Variants in SCN8A observed in about 807,000 individuals in gnomAD.
SCN8A encodes the protein sodium channel protein type 8 subunit alpha.
Under a neutral mutation model 184.1 loss-of-function variants are expected in SCN8A, and 30 were observed. That is an observed-to-expected ratio of 0.16 (90% CI 0.12 to 0.22). SCN8A has a LOEUF of 0.22. Among genes scored for constraint, SCN8A ranks in the 10% least tolerant of loss-of-function variants. The pLI is 1.00. For synonymous variants in SCN8A, 852 were observed against 907.0 expected (o/e 0.94, Z 1.09); for missense variants, 1,057 against 2,498.9 (o/e 0.42, Z 12.30).
intron 1 of SCN8A, among the ~76,000 whole-genome samples, chr12:51,610,145 G>T (rs1939688980): frequency 6.8e-6 from 1 of 146,916 alleles, no homozygotes; most frequent in Admixed American, 6.8e-5. Context: ...ACTCCAGCCT[G>T]GGTGACAGAG....
rs57362371 is a variant in SCN8A, at chr12:51,640,212, GTTTTTTTTTTTTTT to G, written c.-54-22524_-54-22511del. On this transcript the variant is annotated intron_variant, in intron 1 of 26. Transcript: ENST00000627620. ...GGATATGAGCACATGTGCCTGGCCT[GTTTTTTTTTTTTTT>G]TTTTTTTTTTTTTTTTTTTTTTTTT... 4.5e-3 allele frequency among the ~76,000 whole-genome samples: 158 copies of G among 34,760 alleles called. 2 individuals carry two copies. Among genetic ancestry groups the G allele is most frequent in the African/African-American group, 0.015 (128 of 8,314 alleles). 22.8% of individuals were successfully genotyped at this position (34,760 alleles called of 152,430 possible).
chr12:51,626,205 G>A (rs1940074739), intron 1 of SCN8A, among the ~76,000 whole-genome samples: 1 of 152,116 alleles, frequency 6.6e-6, no homozygotes, highest in Admixed American at 6.5e-5. Flanking sequence ...TTAGTTGTCT[G>A]GTACCTGGTC....
chr12:51,764,170 ACT>A (rs1942803045), intron 15 of SCN8A, among the ~76,000 whole-genome samples: 1 of 152,006 alleles, frequency 6.6e-6, no homozygotes, highest in Non-Finnish European at 1.5e-5. Context: ...TAAATATTGA[ACT>A]CTCTGATAAG....
intron 3 of SCN8A, among the ~76,000 whole-genome samples, chr12:51,686,064 T>G (rs900486488): frequency 6.6e-6 from 1 of 152,208 alleles, no homozygotes; most frequent in Non-Finnish European, 1.5e-5. Context: ...ATTTAGAGGC[T>G]TAGTCTGTAG....
In SCN8A at chr12:51,645,523, G is replaced by A. The variant is rs934273411; in HGVS notation, c.-54-17241G>A. On this transcript the variant is annotated intron_variant, in intron 1 of 26. Transcript: ENST00000627620. ...TTTTGTAGAATAGAAAGGGGGGAAA[G>A]GTGGGGAAAAGATTGAGAAATCGGA... 6.6e-4 allele frequency among the ~76,000 whole-genome samples: 101 copies of A among 152,114 alleles called. 1 individual carries two copies. Among genetic ancestry groups the A allele is most frequent in the Non-Finnish European group, 1.6e-4 (11 of 68,004 alleles).
intron 2 of SCN8A, among the ~76,000 whole-genome samples, chr12:51,681,283 C>G (rs562179521): frequency 3.3e-5 from 5 of 152,252 alleles, no homozygotes; most frequent in Middle Eastern, 3.4e-3. Context: ...TTGAGAGGCT[C>G]GAAGCTCGGC....
At chr12:51,669,868 G>C (rs1364115524) in intron 2 of SCN8A, among the ~76,000 whole-genome samples, 1 of 152,194 alleles carries the variant, frequency 6.6e-6, no homozygotes, top group Non-Finnish European at 1.5e-5. Flanking sequence ...CTTTCAACAG[G>C]TGTGCAGCAC....
chr12:51,672,974 T>C (rs1215412814), intron 2 of SCN8A, among the ~76,000 whole-genome samples: 4 of 152,184 alleles, frequency 2.6e-5, no homozygotes, highest in African/African-American at 9.6e-5. Context: ...ATGGTCTTTC[T>C]TCCATGCCCT....
At position 51,632,015 on chromosome 12, in the gene SCN8A, A is replaced by G. The variant is rs1940206355; in HGVS notation, c.-54-30749A>G. Among the ~76,000 whole-genome samples the G allele has an allele frequency of 3.3e-5, 5 of 152,276 alleles. No homozygotes were observed. The South Asian group carries it at 1.0e-3, about 32-fold the overall frequency. ...AGGATCCAGGGAAATAAGTAAAACAAGTAAAACAGATAAGAACAGAAGAGT... is the reference window on the plus strand; with the variant it reads ...AGGATCCAGGGAAATAAGTAAAACAGGTAAAACAGATAAGAACAGAAGAGT... On this transcript the variant is annotated intron_variant, in intron 1 of 26. Coordinates refer to ENST00000627620, the MANE Select transcript of SCN8A (RefSeq NM_001330260.2).
At chr12:51,770,061 T>C (rs1942901429) in intron 18 of SCN8A, 76 bp downstream of exon 18, 2 of 1,013,530 alleles carry the variant, frequency 2.0e-6, no homozygotes, top group African/African-American at 1.6e-5. Context: ...GGGCTAGTGG[T>C]GGGTGAGGGG....
chr12:51,749,032 C>G (rs986290645), intron 13 of SCN8A, among the ~76,000 whole-genome samples: 10 of 152,186 alleles, frequency 6.6e-5, no homozygotes, highest in African/African-American at 2.4e-4. Context: ...CCCCACAAAC[C>G]TTTGGACATC....
chr12:51,764,776 CTTTTTTT>C (rs1197098413), intron 15 of SCN8A, among the ~76,000 whole-genome samples: 2 of 143,102 alleles, frequency 1.4e-5, no homozygotes, highest in Non-Finnish European at 3.1e-5. Flanking sequence ...AGGCTCTTTT[CTTTTTTT>C]TTTTTTTCTT....
At position 51,745,902 on chromosome 12, in the gene SCN8A, G is replaced by A; in HGVS notation, c.1999-1G>A. ...TTGCTTTTCTTTTTTTTTTTTTAAA[G>A]GCTACAACTGAGGTGGAAATTAAGA... On this transcript the variant is annotated splice_acceptor_variant, in intron 12 of 26. Transcript: ENST00000627620. LOFTEE classifies it high-confidence loss of function. 6.4e-7 allele frequency: 1 copy of A among 1,564,330 alleles called. No homozygotes were observed. The highest frequency in any genetic ancestry group is 8.6e-7 in the Non-Finnish European group (1 of 1,161,794).
chr12:51,695,216 T>G (rs188324488), intron 6 of SCN8A, among the ~76,000 whole-genome samples: 12 of 152,356 alleles, frequency 7.9e-5, no homozygotes, highest in Admixed American at 5.2e-4. Flanking sequence ...TATCTGACCC[T>G]CTGTGAAGTA....
chr12:51,696,424 T>G (rs148104662), intron 6 of SCN8A, among the ~76,000 whole-genome samples: 1 of 152,332 alleles, frequency 6.6e-6, no homozygotes, highest in East Asian at 1.9e-4. Flanking sequence ...AGCAACTAAA[T>G]GAAAATAAAT....
At chr12:51,670,168 T>C (rs1271441719) in intron 2 of SCN8A, among the ~76,000 whole-genome samples, 18 of 152,198 alleles carry the variant, frequency 1.2e-4, no homozygotes, top group Admixed American at 1.2e-3. Flanking sequence ...TGGGCACGTA[T>C]GGTCTTGTCC....
At chr12:51,647,632 A>G (rs1229637428) in intron 1 of SCN8A, among the ~76,000 whole-genome samples, 1 of 152,236 alleles carries the variant, frequency 6.6e-6, no homozygotes, top group Non-Finnish European at 1.5e-5. Context: ...GCAGTTTTTA[A>G]TGTTTAAAAT....
chr12:51,637,471 T>C (rs556877123), intron 1 of SCN8A, among the ~76,000 whole-genome samples: 29 of 152,240 alleles, frequency 1.9e-4, no homozygotes, highest in Non-Finnish European at 3.5e-4. Flanking sequence ...AGTGCTACTC[T>C]AGTGAACACA....
intron 5 of SCN8A, 133 bp downstream of exon 5, chr12:51,687,352 C>A: frequency 1.0e-6 from 1 of 998,006 alleles, no homozygotes; most frequent in Non-Finnish European, 1.5e-6. Flanking sequence ...ATGTAAGGCC[C>A]TGTGGGCTTA....
Sources: gnomAD v4.1 joint callset for allele counts (sites outside exome capture counted in the v4.1 genomes callset) on GRCh38, gnomAD v4.1.1 for gene constraint, MANE v1.5 for transcripts, NCBI Gene and HGNC (gene_info 2026-07-23, HGNC 2026-07-21) for gene names.